Variants in EPHA5 observed in about 807,000 individuals in gnomAD.
EPHA5 encodes EPH receptor A5, also known as ephrin type-A receptor 5.
In EPHA5, 60 loss-of-function variants were observed where a neutral mutation model predicts 105.0. The ratio of observed to expected loss-of-function variants is 0.57; its 90% CI spans 0.46 to 0.71. The LOEUF is 0.71. Ranked by LOEUF, EPHA5 falls within the 30% of genes least tolerant of loss-of-function variation. EPHA5 has a pLI of 0.00. For missense variants in EPHA5, 1,218 were observed against 1,274.7 expected (o/e 0.96, Z 0.68); for synonymous variants, 513 against 449.1 (o/e 1.14, Z -1.80).
chr4:65,468,532 C>T (rs1180016483), intron 5 of EPHA5, among the ~76,000 whole-genome samples: 1 of 127,706 alleles, frequency 7.8e-6, no homozygotes, highest in Non-Finnish European at 1.6e-5. Context: ...CAGACACACA[C>T]CTTTATATAT....
chr4:65,469,940 C>A (rs1367676044), intron 5 of EPHA5, among the ~76,000 whole-genome samples: 1 of 151,978 alleles, frequency 6.6e-6, no homozygotes, highest in Non-Finnish European at 1.5e-5. Context: ...TTCATAGCCA[C>A]CTCCCCCAGA....
chr4:65,609,833 A>G (rs536427863), intron 2 of EPHA5, among the ~76,000 whole-genome samples: 1 of 152,226 alleles, frequency 6.6e-6, no homozygotes, highest in African/African-American at 2.4e-5. Context: ...AGTATTTCTT[A>G]GTTAAATATC....
chr4:65,605,752 G>GA (rs1744170852), intron 2 of EPHA5, among the ~76,000 whole-genome samples: 1 of 151,988 alleles, frequency 6.6e-6, no homozygotes, highest in Non-Finnish European at 1.5e-5. Context: ...TTGTATAGAA[G>GA]AAAAGTACAA....
At chr4:65,536,821 A>G (rs1401366920) in intron 3 of EPHA5, among the ~76,000 whole-genome samples, 1 of 151,742 alleles carries the variant, frequency 6.6e-6, no homozygotes, top group Non-Finnish European at 1.5e-5. Context: ...CTTTACATTT[A>G]GATGTCAGTT....
At chr4:65,651,187 A>C (rs1415609924) in intron 1 of EPHA5, among the ~76,000 whole-genome samples, 3 of 152,202 alleles carry the variant, frequency 2.0e-5, no homozygotes, top group Non-Finnish European at 2.9e-5. Flanking sequence ...TAGAATCAGC[A>C]GGGGAGCAAA....
intron 1 of EPHA5, among the ~76,000 whole-genome samples, chr4:65,651,605 G>T (rs55724278): frequency 6.6e-6 from 1 of 151,876 alleles, no homozygotes; most frequent in African/African-American, 2.4e-5. Context: ...ATGCTTAATT[G>T]TTTACTGCAA....
intron 15 of EPHA5, among the ~76,000 whole-genome samples, 172 bp downstream of exon 15, chr4:65,335,760 C>T (rs1330083518): frequency 2.0e-5 from 3 of 152,000 alleles, no homozygotes; most frequent in Non-Finnish European, 4.4e-5. Flanking sequence ...CATTTAGTCA[C>T]ATATTTCATT....
chr4:65,437,612 C>T (rs961860480), intron 5 of EPHA5, among the ~76,000 whole-genome samples: 3 of 151,798 alleles, frequency 2.0e-5, no homozygotes, highest in African/African-American at 7.3e-5. Context: ...AATTACTGAC[C>T]AGAAAATCAT....
chr4:65,425,916 A>T (rs1406764205), intron 5 of EPHA5, among the ~76,000 whole-genome samples: 1 of 152,142 alleles, frequency 6.6e-6, no homozygotes, highest in East Asian at 1.9e-4. Flanking sequence ...AAAATTAGAA[A>T]AATCTTATGT....
intron 5 of EPHA5, 137 bp downstream of exon 5, chr4:65,490,240 T>C: frequency 1.5e-6 from 1 of 681,372 alleles, no homozygotes; most frequent in Non-Finnish European, 2.3e-6. Context: ...GCGTTTTTGA[T>C]GTGTTATACT....
chr4:65,330,833 G>A, intron 16 of EPHA5: 1 of 1,032,172 alleles, frequency 9.7e-7, no homozygotes, highest in South Asian at 4.6e-5. Flanking sequence ...ATGATCTGGT[G>A]GACCGTGAGA....
intron 1 of EPHA5, among the ~76,000 whole-genome samples, chr4:65,660,913 A>G (rs1250148554): frequency 6.6e-6 from 1 of 152,144 alleles, no homozygotes; most frequent in East Asian, 1.9e-4. Context: ...CACATAACAT[A>G]ATCTTTTATT....
chr4:65,430,039 A>G (rs1724827602), intron 5 of EPHA5, among the ~76,000 whole-genome samples: 1 of 152,086 alleles, frequency 6.6e-6, no homozygotes, highest in African/African-American at 2.4e-5. Context: ...GCCAAATCAC[A>G]ACATTCTGTT....
chr4:65,650,542 AGAGT>A (rs369102957), intron 1 of EPHA5, among the ~76,000 whole-genome samples: 243 of 135,196 alleles, frequency 1.8e-3, no homozygotes, highest in African/African-American at 6.4e-3. Context: ...CCTGGGCAAC[AGAGT>A]GAGACTCAGT....
intron 5 of EPHA5, among the ~76,000 whole-genome samples, chr4:65,459,759 T>A (rs1727952385): frequency 6.6e-6 from 1 of 151,852 alleles, no homozygotes; most frequent in Admixed American, 6.6e-5. Flanking sequence ...GTCTCTCTTT[T>A]GTTAGAATGG....
rs1177626791 is a variant in EPHA5 at position 65,670,025 on chromosome 4, T to C, written c.-283A>G. 2 of 399,444 alleles carry C rather than the reference T, an allele frequency of 5.0e-6. No individual in the cohort carries two copies. Among genetic ancestry groups the C allele is most frequent in the African/African-American group, 4.1e-5 (2 of 48,760 alleles). 24.7% of individuals were successfully genotyped at this position (399,444 alleles called of 1,614,324 possible). The stretch of plus-strand genomic sequence containing the variant: ...CGGATCAAGGGTGTCGAGAGGGTCC[T>C]GGGTCCTGTTCCTTTGCCTTTCAAA... On this transcript the variant is annotated 5_prime_UTR_variant, in exon 1 of 17. Transcript: ENST00000613740.
At chr4:65,370,063 G>A (rs568360644) in intron 8 of EPHA5, among the ~76,000 whole-genome samples, 6 of 152,198 alleles carry the variant, frequency 3.9e-5, no homozygotes, top group Non-Finnish European at 2.9e-5. Flanking sequence ...TAAACTTGAA[G>A]TAATATTCCT....
At chr4:65,664,477 T>G (rs551623557) in intron 1 of EPHA5, among the ~76,000 whole-genome samples, 1 of 152,056 alleles carries the variant, frequency 6.6e-6, no homozygotes, top group East Asian at 1.9e-4. Context: ...CTCATTTTGC[T>G]TTTTATCTAC....
rs146531726 is a variant in EPHA5 at position 65,420,358 on chromosome 4, A to T, written c.1527+83T>A. ...TGATTTACACATAAAATTGCAACAT[A>T]CTCTTCTGCAAGTTGGATAATTGTA... On this transcript the variant is annotated intron_variant, in intron 6 of 16. Coordinates refer to ENST00000613740, the MANE Select transcript of EPHA5 (RefSeq NM_001281766.3). 1,026 of 1,346,986 alleles carry T rather than the reference A, an allele frequency of 7.6e-4. 2 individuals carry two copies. The highest frequency in any genetic ancestry group is 9.6e-4 in the Non-Finnish European group (942 of 985,772). 83.4% of individuals were successfully genotyped at this position (1,346,986 alleles called of 1,614,324 possible). A position where few individuals can be genotyped will look rare whatever the true frequency, so the allele number is the denominator to read the frequency against.
Sources: gnomAD v4.1 joint callset for allele counts (sites outside exome capture counted in the v4.1 genomes callset) on GRCh38, gnomAD v4.1.1 for gene constraint, MANE v1.5 for transcripts, NCBI Gene and HGNC (gene_info 2026-07-23, HGNC 2026-07-21) for gene names.